DYNC1I1: variants seen among roughly 807,000 people sequenced by gnomAD.
The protein encoded by DYNC1I1 is dynein cytoplasmic 1 intermediate chain 1.
DYNC1I1 carries 43 observed loss-of-function variants against 86.6 expected under a neutral mutation model. The ratio of observed to expected loss-of-function variants is 0.50; its 90% confidence interval spans 0.39 to 0.64. The LOEUF is 0.64. DYNC1I1 is among the 30% of genes least tolerant of loss of function. The probability of loss-of-function intolerance (pLI) is 0.00; values close to 1 mark genes in which losing one functional copy is unlikely to be tolerated. For synonymous variants in DYNC1I1, 262 were observed against 283.7 expected (o/e 0.92, Z 0.77); for missense variants, 604 against 788.8 (o/e 0.77, Z 2.81).
At chr7:95,774,525 C>T (rs4727324) in intron 1 of DYNC1I1, among the ~76,000 whole-genome samples, 1,724 of 152,160 alleles carry the variant, frequency 0.011, 28 homozygotes, top group African/African-American at 0.019. Context: ...AAACTCGACC[C>T]GCAGGAAAAG....
intron 5 of DYNC1I1, among the ~76,000 whole-genome samples, chr7:95,869,608 G>A (rs1330116122): frequency 6.6e-6 from 1 of 152,064 alleles, no homozygotes; most frequent in East Asian, 1.9e-4. Context: ...TGCTCAGAAT[G>A]GAAGAGGTCT....
intron 13 of DYNC1I1, among the ~76,000 whole-genome samples, chr7:96,037,484 T>C (rs781384671): frequency 7.2e-5 from 11 of 152,154 alleles, no homozygotes; most frequent in Non-Finnish European, 1.6e-4. Flanking sequence ...ATGAGAGGCA[T>C]AGAGAGTATA....
chr7:96,053,110 G>A (rs553305228), intron 14 of DYNC1I1, among the ~76,000 whole-genome samples: 1 of 152,264 alleles, frequency 6.6e-6, no homozygotes, highest in East Asian at 1.9e-4. Context: ...TAAAATGATA[G>A]CGACTTCATT....
chr7:96,034,411 G>T (rs1354384878), intron 12 of DYNC1I1, among the ~76,000 whole-genome samples: 1 of 152,066 alleles, frequency 6.6e-6, no homozygotes, highest in Non-Finnish European at 1.5e-5. Flanking sequence ...TAATATGGTG[G>T]CTCTAAGTCC....
intron 5 of DYNC1I1, among the ~76,000 whole-genome samples, chr7:95,868,086 C>T (rs1216281721): frequency 6.6e-6 from 1 of 152,150 alleles, no homozygotes; most frequent in Admixed American, 6.5e-5. Context: ...CAAGGTTTGT[C>T]ACTTGTGCAA....
chr7:95,852,298 A>G (rs1199816296), intron 5 of DYNC1I1, among the ~76,000 whole-genome samples: 1 of 152,016 alleles, frequency 6.6e-6, no homozygotes, highest in East Asian at 1.9e-4. Context: ...TTGTCATATA[A>G]TTGTTCATAA....
At position 95,946,166 on chromosome 7, in the gene DYNC1I1, G is replaced by A. The variant is rs560614589; in HGVS notation, c.491-31346G>A. 6.6e-5 allele frequency among the ~76,000 whole-genome samples: 10 copies of A among 152,154 alleles called. No homozygotes were observed. The South Asian group carries it at 2.1e-3, about 32-fold the overall frequency. On this transcript the variant is annotated intron_variant, in intron 6 of 16. Transcript: ENST00000447467. The stretch of plus-strand genomic sequence containing the variant: ...GGGGCCTGTCAGGGGGGCAGGGGGA[G>A]GGAGAGCATCAGGATAAATAGCTAA...
intron 14 of DYNC1I1, among the ~76,000 whole-genome samples, chr7:96,058,393 G>T (rs1789650039): frequency 6.6e-6 from 1 of 152,258 alleles, no homozygotes; most frequent in Admixed American, 6.5e-5. Flanking sequence ...TTTAAAAAGA[G>T]ATGTTTTGTC....
intron 16 of DYNC1I1, among the ~76,000 whole-genome samples, chr7:96,082,505 T>C (rs1209513417): frequency 6.6e-6 from 1 of 152,188 alleles, no homozygotes; most frequent in Non-Finnish European, 1.5e-5. Context: ...TATACAATAT[T>C]ATTTTATCCC....
At chr7:95,956,900 CAT>C (rs1423174426) in intron 6 of DYNC1I1, among the ~76,000 whole-genome samples, 1 of 152,128 alleles carries the variant, frequency 6.6e-6, no homozygotes, top group African/African-American at 2.4e-5. Flanking sequence ...CAGTTAAAAA[CAT>C]AGTTAATAAT....
At chr7:95,988,146 G>A (rs146249277) in intron 9 of DYNC1I1, among the ~76,000 whole-genome samples, 1,723 of 152,338 alleles carry the variant, frequency 0.011, 35 homozygotes, top group African/African-American at 0.039. Flanking sequence ...GGAGGCCAAG[G>A]CGGGTGGATC....
intron 9 of DYNC1I1, 135 bp downstream of exon 9, chr7:95,987,290 G>A (rs1793620820): frequency 2.7e-6 from 2 of 745,104 alleles, no homozygotes; most frequent in South Asian, 1.7e-5. Context: ...ATTTTATTGA[G>A]GTTTCAGTTT....
At chr7:96,009,677 C>T (rs971135511) in intron 10 of DYNC1I1, among the ~76,000 whole-genome samples, 1 of 152,100 alleles carries the variant, frequency 6.6e-6, no homozygotes, top group Non-Finnish European at 1.5e-5. Context: ...CTATTCATGC[C>T]TTCTACACTG....
chr7:96,053,941 G>T (rs1191746690), intron 14 of DYNC1I1, among the ~76,000 whole-genome samples: 3 of 152,068 alleles, frequency 2.0e-5, no homozygotes, highest in Admixed American at 2.0e-4. Flanking sequence ...GATATAATAA[G>T]AATTTTGTAG....
intron 14 of DYNC1I1, among the ~76,000 whole-genome samples, chr7:96,070,518 C>T (rs888240262): frequency 6.6e-6 from 1 of 152,148 alleles, no homozygotes; most frequent in East Asian, 1.9e-4. Flanking sequence ...TTTTTCCCAA[C>T]AGGATATAGT....
intron 6 of DYNC1I1, among the ~76,000 whole-genome samples, chr7:95,888,717 A>G (rs189615378): frequency 6.6e-6 from 1 of 152,310 alleles, no homozygotes; most frequent in East Asian, 1.9e-4. Flanking sequence ...CTTAGGTTTC[A>G]TTATTTGCTG....
At chr7:95,976,791 ATGGAAGGGGCC>A (rs1478477332) in intron 6 of DYNC1I1, among the ~76,000 whole-genome samples, 1 of 152,138 alleles carries the variant, frequency 6.6e-6, no homozygotes, top group East Asian at 1.9e-4. Flanking sequence ...ACACTATATA[ATGGAAGGGGCC>A]TCTAGGAAAG....
chr7:96,096,385 G>T (rs918810989), intron 16 of DYNC1I1, among the ~76,000 whole-genome samples: 3 of 152,038 alleles, frequency 2.0e-5, no homozygotes, highest in Non-Finnish European at 2.9e-5. Flanking sequence ...TGTGGATAGT[G>T]TAGTGTAGCA....
At chr7:95,877,800 G>A (rs1790347941) in intron 6 of DYNC1I1, among the ~76,000 whole-genome samples, 1 of 152,208 alleles carries the variant, frequency 6.6e-6, no homozygotes, top group African/African-American at 2.4e-5. Flanking sequence ...TTCAACCTGT[G>A]GAGAAAATTG....
Sources: allele counts gnomAD v4.1 joint callset (sites outside exome capture counted in the v4.1 genomes callset), GRCh38; gene constraint gnomAD v4.1.1; transcripts MANE v1.5; gene names NCBI Gene and HGNC (gene_info 2026-07-23, HGNC 2026-07-21).